The following HACL2 variants were observed in gnomAD, a reference collection of about 807,000 sequenced individuals.
HACL2 encodes 2-hydroxyacyl-CoA lyase 1 like.
At chr19:15,119,056 A>G in the HACL2 span, 76 of 1,238,134 alleles carry the variant, frequency 6.1e-5, no homozygotes, top group Admixed American at 1.3e-4. Context: ...GAAAATGTGT[A>G]TCAAGTACAA....
At chr19:15,115,340 G>C in the HACL2 span, 1 of 1,613,970 alleles carries the variant, frequency 6.2e-7, no homozygotes, top group African/African-American at 1.3e-5. Context: ...CTGCTGCTGG[G>C]CATCGTGCAG....
the HACL2 span, chr19:15,115,193 A>G: frequency 6.2e-7 from 1 of 1,602,530 alleles, no homozygotes. Flanking sequence ...TGAGACTCCA[A>G]ACCAGCTGGA....
the HACL2 span, chr19:15,115,766 A>T: frequency 6.4e-7 from 1 of 1,566,600 alleles, no homozygotes; most frequent in Non-Finnish European, 8.8e-7. Context: ...GCCAGAGAGG[A>T]GGCTCCCTCC....
chr19:15,117,638 T>C, the HACL2 span: 1 of 412,778 alleles, frequency 2.4e-6, no homozygotes, highest in East Asian at 4.3e-5. Context: ...GTGATTGCAC[T>C]ACTGCATTCC....
chr19:15,123,316 TCA>T, the HACL2 span: 5 of 1,603,522 alleles, frequency 3.1e-6, no homozygotes, highest in South Asian at 3.3e-5. This position sits in a 1 kb window ranked among gnomAD's most constrained non-coding sequence, Gnocchi z 5.1. Context: ...ACCCCTACCC[TCA>T]CAGACACTCT....
At chr19:15,122,671 T>C in the HACL2 span, 2 of 1,592,028 alleles carry the variant, frequency 1.3e-6, no homozygotes, top group Non-Finnish European at 1.7e-6. This position sits in a 1 kb window ranked among gnomAD's most constrained non-coding sequence, Gnocchi z 4.0. Flanking sequence ...AAGGAGGGAA[T>C]GGCAGGGGTG....
chr19:15,123,656 C>T, the HACL2 span: 40 of 1,347,902 alleles, frequency 3.0e-5, no homozygotes, highest in Non-Finnish European at 3.8e-5. This position sits in a 1 kb window ranked among gnomAD's most constrained non-coding sequence, Gnocchi z 5.1. Context: ...TCCCCCTGCC[C>T]CAGGTAAGGG....
chr19:15,122,547 A>G, the HACL2 span: 1 of 708,820 alleles, frequency 1.4e-6, no homozygotes, highest in Non-Finnish European at 2.4e-6. This position sits in a 1 kb window ranked among gnomAD's most constrained non-coding sequence, Gnocchi z 4.0. Context: ...GGACCTTTGC[A>G]CATGCTGTTC....
chr19:15,115,460 C>T, the HACL2 span: 1 of 1,609,586 alleles, frequency 6.2e-7, no homozygotes, highest in Non-Finnish European at 8.5e-7. Context: ...CGGATAGTGG[C>T]AAGGACTCAG....
the HACL2 span, chr19:15,116,642 C>T: frequency 1.4e-6 from 1 of 736,134 alleles, no homozygotes; most frequent in East Asian, 2.7e-5. Context: ...GGGAAGCAGG[C>T]CAGGGGTGCT....
the HACL2 span, among the ~76,000 whole-genome samples, chr19:15,120,268 C>T: frequency 7.9e-5 from 12 of 152,098 alleles, no homozygotes; most frequent in Admixed American, 6.5e-4. Context: ...TGTTTGCCCT[C>T]GGTAGCCTCT....
chr19:15,115,592 T>G, the HACL2 span: 31 of 1,613,692 alleles, frequency 1.9e-5, no homozygotes, highest in East Asian at 6.5e-4. Flanking sequence ...ACAGGCCACG[T>G]TGCTGCCCAG....
At chr19:15,120,210 TG>T in the HACL2 span, 3 of 591,030 alleles carry the variant, frequency 5.1e-6, no homozygotes, top group Non-Finnish European at 9.1e-6. Flanking sequence ...GGTGGATGAG[TG>T]ACACCTCAGG....
chr19:15,121,481 AGAAGAG>A, the HACL2 span, among the ~76,000 whole-genome samples: 3 of 152,092 alleles, frequency 2.0e-5, no homozygotes, highest in Non-Finnish European at 2.9e-5. Context: ...AGAAGGAGGA[AGAAGAG>A]GAAGAGGAGG....
the HACL2 span, among the ~76,000 whole-genome samples, chr19:15,121,961 G>A: frequency 2.0e-5 from 3 of 146,598 alleles, no homozygotes; most frequent in East Asian, 2.1e-4. Context: ...GCAGTAGCAC[G>A]ATCTTGGCTC....
chr19:15,115,041 A>T, the HACL2 span: 2 of 627,236 alleles, frequency 3.2e-6, no homozygotes, highest in Non-Finnish European at 5.7e-6. Flanking sequence ...AAGAGAGGGG[A>T]CAAACGGCAC....
chr19:15,125,177 G>C, the HACL2 span: 1 of 1,134,716 alleles, frequency 8.8e-7, no homozygotes. Flanking sequence ...CTTGCCGCCA[G>C]TTTCTGTGCG....
At chr19:15,122,948 C>T in the HACL2 span, 25 of 1,604,672 alleles carry the variant, frequency 1.6e-5, no homozygotes, top group African/African-American at 2.7e-5. The surrounding 1 kb of genome is among the most constrained non-coding windows in gnomAD (Gnocchi z 4.0). Flanking sequence ...CACAATGTCC[C>T]GCACCCTCCG....
At chr19:15,119,870 G>A in the HACL2 span, 4 of 729,732 alleles carry the variant, frequency 5.5e-6, no homozygotes, top group African/African-American at 3.6e-5. Context: ...CCCTTGAGTC[G>A]CCATGAGCAC....
Sources: gnomAD v4.1 joint callset for allele counts (sites outside exome capture counted in the v4.1 genomes callset) on GRCh38, gnomAD v4.1.1 for gene constraint, Gnocchi (gnomAD v3.1) non-coding constraint, MANE v1.5 for transcripts, NCBI Gene and HGNC (gene_info 2026-07-23, HGNC 2026-07-21) for gene names.